DTD1: variants seen among roughly 807,000 people sequenced by gnomAD.
The protein encoded by DTD1 is D-tyrosyl-tRNA deacylase 1 homolog.
In DTD1, 13 loss-of-function variants were observed where a neutral mutation model predicts 25.6. The ratio of observed to expected loss-of-function variants is 0.51; its 90% CI spans 0.33 to 0.81. The LOEUF is 0.81. Among genes scored for constraint, DTD1 ranks in the 30% least tolerant of loss-of-function variants. The pLI is 0.02. For synonymous variants in DTD1, 110 were observed against 103.6 expected (o/e 1.06, Z -0.37); for missense variants, 193 against 266.4 (o/e 0.72, Z 1.92).
chr20:18,701,265 G>T lies in DTD1; in HGVS notation c.478-42835G>T, dbSNP rs1445455139. ...TGGAGGGCAGTTTTACAGCTGGAGA[G>T]AAAACATGTTACCTAACGGACTTGG... On this transcript the variant is annotated intron_variant, in intron 4 of 5. Coordinates refer to ENST00000377452, the MANE Select transcript of DTD1 (RefSeq NM_080820.6). Among the ~76,000 whole-genome samples the T allele has an allele frequency of 2.6e-5, 4 of 152,170 alleles. No homozygotes were observed. The East Asian group carries it at 7.7e-4, about 29-fold the overall frequency.
At chr20:18,609,768 C>T (rs566307532) in intron 3 of DTD1, among the ~76,000 whole-genome samples, 1 of 152,308 alleles carries the variant, frequency 6.6e-6, no homozygotes, top group Non-Finnish European at 1.5e-5. Context: ...CCCACTCTTA[C>T]TTGGGTTCTG....
At chr20:18,627,252 G>T (rs1015212133) in intron 3 of DTD1, among the ~76,000 whole-genome samples, 6 of 152,178 alleles carry the variant, frequency 3.9e-5, no homozygotes, top group Non-Finnish European at 8.8e-5. Context: ...CCACTGGTAG[G>T]AAAGACTCAG....
rs568357602 is a variant in DTD1 at position 18,633,281 on chromosome 20, T to G, written c.477+5048T>G. Among the ~76,000 whole-genome samples the G allele has an allele frequency of 1.1e-3, 162 of 152,270 alleles. 1 individual carries two copies. Among genetic ancestry groups the G allele is most frequent in the African/African-American group, 3.5e-3 (145 of 41,548 alleles). On this transcript the variant is annotated intron_variant, in intron 4 of 5. Coordinates refer to ENST00000377452, the MANE Select transcript of DTD1 (RefSeq NM_080820.6). ...TGCATCTGCTGTTGCCTCCTCTCCC[T>G]TGCTGAGAAGAGGGTCAAGCTCTTT...
chr20:18,600,092 A>C (rs1311299536), intron 3 of DTD1, among the ~76,000 whole-genome samples: 2 of 152,100 alleles, frequency 1.3e-5, no homozygotes. Context: ...TTTCATGGAG[A>C]GGAAAATTTT....
intron 4 of DTD1, among the ~76,000 whole-genome samples, chr20:18,728,220 G>A (rs2061229158): frequency 6.6e-6 from 1 of 151,968 alleles, no homozygotes; most frequent in African/African-American, 2.4e-5. Context: ...CCTGGGCAAT[G>A]GGCTAGCTAA....
chr20:18,671,427 A>G (rs559137707), intron 4 of DTD1, among the ~76,000 whole-genome samples: 2 of 152,322 alleles, frequency 1.3e-5, no homozygotes, highest in East Asian at 3.8e-4. Flanking sequence ...CTCCATCAGC[A>G]CAGAACAGCT....
intron 4 of DTD1, among the ~76,000 whole-genome samples, chr20:18,718,745 T>C (rs1379047555): frequency 1.3e-5 from 2 of 152,150 alleles, no homozygotes; most frequent in African/African-American, 4.8e-5. Flanking sequence ...TAAAAAGAGA[T>C]TGGCTTGTAG....
At chr20:18,757,043 G>C (rs1216484897) in intron 5 of DTD1, among the ~76,000 whole-genome samples, 1 of 151,274 alleles carries the variant, frequency 6.6e-6, no homozygotes. Flanking sequence ...TTGTGAATGG[G>C]AGTTCACTCA....
chr20:18,662,389 G>A (rs1296403236), intron 4 of DTD1, among the ~76,000 whole-genome samples: 2 of 152,140 alleles, frequency 1.3e-5, no homozygotes, highest in Non-Finnish European at 2.9e-5. Flanking sequence ...CTAAAGTTCT[G>A]GAATTACAGG....
chr20:18,670,795 CT>C (rs1371401622), intron 4 of DTD1, among the ~76,000 whole-genome samples: 1 of 152,192 alleles, frequency 6.6e-6, no homozygotes, highest in Non-Finnish European at 1.5e-5. Flanking sequence ...GGAGTGAAAC[CT>C]TCAGAGGTTT....
chr20:18,724,890 G>A (rs1568682273), intron 4 of DTD1, among the ~76,000 whole-genome samples: 1 of 152,244 alleles, frequency 6.6e-6, no homozygotes, highest in Non-Finnish European at 1.5e-5. Context: ...TTAACTAATA[G>A]AAATGTGACT....
At chr20:18,665,720 A>G (rs1305299076) in intron 4 of DTD1, among the ~76,000 whole-genome samples, 3 of 152,240 alleles carry the variant, frequency 2.0e-5, no homozygotes, top group African/African-American at 7.2e-5. Flanking sequence ...TAAACAAAAT[A>G]CAAGTCAATT....
At chr20:18,600,373 G>A (rs2060628872) in intron 3 of DTD1, among the ~76,000 whole-genome samples, 1 of 151,710 alleles carries the variant, frequency 6.6e-6, no homozygotes, top group Admixed American at 6.6e-5. Flanking sequence ...TTGCTCCATT[G>A]TATTGCCTTT....
At chr20:18,729,132 G>A (rs1600394045) in intron 4 of DTD1, among the ~76,000 whole-genome samples, 1 of 152,296 alleles carries the variant, frequency 6.6e-6, no homozygotes, top group Admixed American at 6.5e-5. Flanking sequence ...GCCCCTCAAG[G>A]GGCTGGGACT....
chr20:18,625,623 C>T (rs2060754408), intron 3 of DTD1, among the ~76,000 whole-genome samples: 1 of 152,228 alleles, frequency 6.6e-6, no homozygotes, highest in Non-Finnish European at 1.5e-5. Flanking sequence ...TCAAACTCCT[C>T]TAGCAGGCAG....
At chr20:18,638,131 T>G (rs947978304) in intron 4 of DTD1, among the ~76,000 whole-genome samples, 1 of 151,682 alleles carries the variant, frequency 6.6e-6, no homozygotes, top group Non-Finnish European at 1.5e-5. Context: ...GCTTGTTCAT[T>G]TATCCATTTA....
Position 18,672,538 on chromosome 20 carries a change from A to G in DTD1, c.477+44305A>G, listed in dbSNP as rs142433267. ...TTTGTTTCCCTGTTTGGGTCAAACT[A>G]TATTTCCCAAATTGGTATTTTATAA... On this transcript the variant is annotated intron_variant, in intron 4 of 5. Coordinates refer to ENST00000377452, the MANE Select transcript of DTD1 (RefSeq NM_080820.6). 3.5e-3 allele frequency among the ~76,000 whole-genome samples: 528 copies of G among 152,312 alleles called. 1 individual carries two copies. Among genetic ancestry groups the G allele is most frequent in the African/African-American group, 0.012 (486 of 41,570 alleles).
At chr20:18,697,809 C>T (rs901630460) in intron 4 of DTD1, among the ~76,000 whole-genome samples, 4 of 152,208 alleles carry the variant, frequency 2.6e-5, no homozygotes, top group East Asian at 3.9e-4. Context: ...CTCAGCCTCT[C>T]GAGTAGCTGG....
At chr20:18,746,056 G>A (rs746384214) in intron 5 of DTD1, among the ~76,000 whole-genome samples, 9 of 152,194 alleles carry the variant, frequency 5.9e-5, no homozygotes, top group Admixed American at 3.3e-4. Flanking sequence ...TAGATTGGAA[G>A]AGGAGACATC....
Sources: gnomAD v4.1 joint callset for allele counts (sites outside exome capture counted in the v4.1 genomes callset) on GRCh38, gnomAD v4.1.1 for gene constraint, MANE v1.5 for transcripts, NCBI Gene and HGNC (gene_info 2026-07-23, HGNC 2026-07-21) for gene names.